Variants in SHANK2 observed in about 807,000 individuals in gnomAD.
SHANK2 encodes SH3 and multiple ankyrin repeat domains protein 2.
SHANK2 carries 43 observed loss-of-function variants against 133.7 expected under a neutral mutation model. That is an observed-to-expected ratio of 0.32 (90% CI 0.25 to 0.41). The LOEUF (loss-of-function observed/expected upper bound fraction) is 0.41. SHANK2 is among the 10% of genes least tolerant of loss of function. SHANK2 has a pLI of 1.00. For missense variants in SHANK2, 1,994 were observed against 2,235.8 expected (o/e 0.89, Z 2.18); for synonymous variants, 1,017 against 952.8 (o/e 1.07, Z -1.24).
At chr11:71,104,897 C>T (rs948857494) in intron 6 of SHANK2, among the ~76,000 whole-genome samples, 1 of 152,224 alleles carries the variant, frequency 6.6e-6, no homozygotes, top group Admixed American at 6.5e-5. Flanking sequence ...ACTTGGCCTT[C>T]GGTTTCAGAA....
chr11:70,769,531 A>G (rs1555042185), intron 14 of SHANK2, among the ~76,000 whole-genome samples: 1 of 151,226 alleles, frequency 6.6e-6, no homozygotes, highest in African/African-American at 2.5e-5. Flanking sequence ...AACAGACGTG[A>G]TGCATACCTG....
intron 2 of SHANK2, among the ~76,000 whole-genome samples, chr11:71,160,242 T>C (rs570657776): frequency 1.3e-5 from 2 of 152,244 alleles, no homozygotes; most frequent in African/African-American, 4.8e-5. Flanking sequence ...CTCCGGAGGC[T>C]CCTGGGGACT....
At chr11:70,700,780 A>G (rs1213611154) in intron 14 of SHANK2, among the ~76,000 whole-genome samples, 3 of 152,192 alleles carry the variant, frequency 2.0e-5, no homozygotes, top group Non-Finnish European at 4.4e-5. Flanking sequence ...GGGGCGAAGG[A>G]GGAGCCCCAG....
At chr11:70,723,208 C>G (rs554315807) in intron 14 of SHANK2, among the ~76,000 whole-genome samples, 93 of 151,886 alleles carry the variant, frequency 6.1e-4, no homozygotes, top group Non-Finnish European at 1.1e-3. Context: ...TAGAATACAG[C>G]AAAGGGGACA....
intron 17 of SHANK2, among the ~76,000 whole-genome samples, chr11:70,612,394 G>T (rs1177773532): frequency 1.3e-5 from 2 of 152,200 alleles, no homozygotes; most frequent in African/African-American, 4.8e-5. Flanking sequence ...AGGTACAGCT[G>T]CAGGCGAAGG....
chr11:70,591,862 C>CA (rs1554988113), intron 17 of SHANK2, among the ~76,000 whole-genome samples: 1 of 151,536 alleles, frequency 6.6e-6, no homozygotes, highest in Non-Finnish European at 1.5e-5. Context: ...ACTAAAAATA[C>CA]AAAAAAATGA....
At chr11:70,925,107 T>C (rs1019221048) in intron 10 of SHANK2, among the ~76,000 whole-genome samples, 11 of 152,116 alleles carry the variant, frequency 7.2e-5, no homozygotes, top group Admixed American at 4.6e-4. Context: ...GAGGGGAGTA[T>C]GTGTGGGGGT....
intron 11 of SHANK2, among the ~76,000 whole-genome samples, chr11:70,850,175 C>T (rs1447323579): frequency 6.6e-6 from 1 of 151,528 alleles, no homozygotes; most frequent in Non-Finnish European, 1.5e-5. Context: ...TGTATCACAA[C>T]CTCCTACGGT....
At chr11:70,826,526 G>T (rs1555057248) in intron 11 of SHANK2, 1 of 471,144 alleles carries the variant, frequency 2.1e-6, no homozygotes. Flanking sequence ...TTTGGCAGCG[G>T]TCCGCTCATT....
chr11:70,481,327 A>G (rs1045867702), intron 25 of SHANK2, among the ~76,000 whole-genome samples: 11 of 152,242 alleles, frequency 7.2e-5, no homozygotes, highest in African/African-American at 2.7e-4. Flanking sequence ...AAGAGCTTTG[A>G]GCATCAGAGA....
intron 8 of SHANK2, among the ~76,000 whole-genome samples, chr11:71,086,014 ATAAC>A (rs1951398675): frequency 4.6e-4 from 40 of 86,260 alleles, no homozygotes; most frequent in African/African-American, 1.8e-3. Context: ...ATTATTATAT[ATAAC>A]ATATTATATG....
chr11:70,759,146 C>T (rs1946935057), intron 14 of SHANK2, among the ~76,000 whole-genome samples: 1 of 150,518 alleles, frequency 6.6e-6, no homozygotes. Flanking sequence ...GCCTGGGCAA[C>T]AGAACAAGAC....
chr11:71,214,913 C>T (rs1555119480), intron 2 of SHANK2, among the ~76,000 whole-genome samples: 1 of 152,202 alleles, frequency 6.6e-6, no homozygotes, highest in Non-Finnish European at 1.5e-5. Flanking sequence ...TGAAGGCCAC[C>T]AAGCATCCCG....
Position 71,149,072 on chromosome 11 carries a change from C to T in SHANK2, c.-12-1734G>A, listed in dbSNP as rs1226855576. ...TACAGTTGGGGACACAGATGTTTGC[C>T]GTATTATTCTCTTTGTTAGAAATCA... is the stretch of plus-strand genomic sequence containing the variant. On this transcript the variant is annotated intron_variant, in intron 2 of 25. Coordinates refer to ENST00000601538, the MANE Select transcript of SHANK2 (RefSeq NM_012309.5). Among the ~76,000 whole-genome samples, 45 of 152,050 alleles carry T rather than the reference C, an allele frequency of 3.0e-4. 2 individuals carry two copies. Among genetic ancestry groups the T allele is most frequent in the Admixed American group, 2.5e-3 (38 of 15,274 alleles).
At chr11:70,796,387 A>T (rs1555049173) in intron 14 of SHANK2, among the ~76,000 whole-genome samples, 1 of 152,226 alleles carries the variant, frequency 6.6e-6, no homozygotes, top group Non-Finnish European at 1.5e-5. Context: ...GGTGTGGCAT[A>T]GCCAACAAAG....
intron 10 of SHANK2, among the ~76,000 whole-genome samples, chr11:70,935,850 G>A (rs1950563607): frequency 6.6e-6 from 1 of 152,152 alleles, no homozygotes; most frequent in Admixed American, 6.5e-5. Context: ...CTCGTCATGT[G>A]AGCGGGCCTC....
At chr11:70,895,972 G>A (rs2135659337) in intron 11 of SHANK2, among the ~76,000 whole-genome samples, 1 of 152,090 alleles carries the variant, frequency 6.6e-6, no homozygotes, top group South Asian at 2.1e-4. Flanking sequence ...CCTGGAGTGG[G>A]CCATTTGTTA....
chr11:71,182,634 T>C (rs1157673461), intron 2 of SHANK2, among the ~76,000 whole-genome samples: 1 of 152,238 alleles, frequency 6.6e-6, no homozygotes, highest in Admixed American at 6.5e-5. Context: ...CCAGTCATTC[T>C]AGATCTGGAC....
chr11:70,744,273 C>A (rs1336531114), intron 14 of SHANK2, among the ~76,000 whole-genome samples: 1 of 152,232 alleles, frequency 6.6e-6, no homozygotes, highest in Non-Finnish European at 1.5e-5. Context: ...CTTGTGGGCT[C>A]GGGCGATCAG....
Sources: gnomAD v4.1 joint callset for allele counts (sites outside exome capture counted in the v4.1 genomes callset) on GRCh38, gnomAD v4.1.1 for gene constraint, MANE v1.5 for transcripts, NCBI Gene and HGNC (gene_info 2026-07-23, HGNC 2026-07-21) for gene names.